NXPE2: variants seen among roughly 807,000 people sequenced by gnomAD.
NXPE2 encodes neurexophilin and PC-esterase domain family member 2, also known as NXPE family member 2.
Under a neutral mutation model 34.4 loss-of-function variants are expected in NXPE2, and 34 were observed. The ratio of observed to expected loss-of-function variants is 0.99; its 90% CI spans 0.75 to 1.31. The LOEUF is 1.31. Among genes scored for constraint, NXPE2 ranks in the 40% most tolerant of loss-of-function variants. The pLI is 0.00. For synonymous variants in NXPE2, 235 were observed against 231.3 expected, an observed-to-expected ratio of 1.02 and a Z score of -0.15; for missense variants, 649 against 672.5, an observed-to-expected ratio of 0.97 and a Z score of 0.39.
chr11:114,599,963 A>C, the NXPE2 span, among the ~76,000 whole-genome samples: 1 of 152,154 alleles, frequency 6.6e-6, no homozygotes, highest in Non-Finnish European at 1.5e-5. Context: ...CAAGTAAATA[A>C]TAGCATAAAT....
the NXPE2 span, among the ~76,000 whole-genome samples, chr11:114,790,634 G>A: frequency 6.6e-6 from 1 of 152,136 alleles, no homozygotes; most frequent in Non-Finnish European, 1.5e-5. Flanking sequence ...GGCCAGAAGT[G>A]CACCCAGGAG....
At chr11:114,785,974 T>A in the NXPE2 span, among the ~76,000 whole-genome samples, 1 of 152,086 alleles carries the variant, frequency 6.6e-6, no homozygotes, top group African/African-American at 2.4e-5. Context: ...TATTAGATAG[T>A]GTAAAAAAAA....
chr11:114,511,676 A>T, the NXPE2 span, among the ~76,000 whole-genome samples: 1 of 152,146 alleles, frequency 6.6e-6, no homozygotes, highest in African/African-American at 2.4e-5. Flanking sequence ...GTGATCCCCA[A>T]TGTTGGAGGT....
At chr11:114,759,571 T>C in the NXPE2 span, among the ~76,000 whole-genome samples, 8,107 of 152,316 alleles carry the variant, frequency 0.053, 304 homozygotes, top group Middle Eastern at 0.1. Context: ...AGATTGTATG[T>C]ATCTTAAACT....
chr11:114,703,921 T>A (rs1055047855), intron 3 of NXPE2, 70 bp from the exon 4 acceptor site: 148 of 1,112,334 alleles, frequency 1.3e-4, no homozygotes, highest in Non-Finnish European at 1.8e-4. Flanking sequence ...GTTTAATCCA[T>A]CTAAACCAGT....
chr11:114,638,826 T>C, the NXPE2 span, among the ~76,000 whole-genome samples: 2 of 151,914 alleles, frequency 1.3e-5, no homozygotes, highest in Non-Finnish European at 2.9e-5. Context: ...CCTCTGGAAG[T>C]TTTGTCTCAG....
the NXPE2 span, among the ~76,000 whole-genome samples, chr11:114,520,761 C>T: frequency 6.6e-6 from 1 of 151,936 alleles, no homozygotes; most frequent in Non-Finnish European, 1.5e-5. Context: ...AAAATATTAC[C>T]ATCTCCTCAT....
At chr11:114,645,996 T>C in the NXPE2 span, among the ~76,000 whole-genome samples, 1 of 152,142 alleles carries the variant, frequency 6.6e-6, no homozygotes, top group African/African-American at 2.4e-5. Flanking sequence ...TTTATATCTA[T>C]TGGTTAGTAC....
the NXPE2 span, among the ~76,000 whole-genome samples, chr11:114,736,586 C>A: frequency 7.2e-5 from 11 of 152,294 alleles, no homozygotes; most frequent in South Asian, 4.1e-4. Context: ...TTCAAACACG[C>A]ATGCTCTACA....
At chr11:114,731,623 A>G in the NXPE2 span, among the ~76,000 whole-genome samples, 1 of 152,224 alleles carries the variant, frequency 6.6e-6, no homozygotes, top group African/African-American at 2.4e-5. Context: ...GCCTCTCTTA[A>G]AAGTTTACAT....
At chr11:114,699,856 C>G (rs557897136) in intron 3 of NXPE2, among the ~76,000 whole-genome samples, 1 of 150,446 alleles carries the variant, frequency 6.6e-6, no homozygotes, top group Non-Finnish European at 1.5e-5. Context: ...TGCAGTGGTG[C>G]GATCTCGGCT....
the NXPE2 span, among the ~76,000 whole-genome samples, chr11:114,628,910 T>C: frequency 2.2e-4 from 33 of 151,922 alleles, 1 homozygote. Context: ...GCAAATAAAC[T>C]AGAGAATCTA....
chr11:114,570,915 T>C, the NXPE2 span: 1 of 1,514,774 alleles, frequency 6.6e-7, no homozygotes, highest in Non-Finnish European at 8.9e-7. Context: ...CTTAAGTGAA[T>C]GAATTTCAGA....
chr11:114,762,531 T>C, the NXPE2 span, among the ~76,000 whole-genome samples: 5 of 152,328 alleles, frequency 3.3e-5, no homozygotes, highest in Non-Finnish European at 7.3e-5. Flanking sequence ...ATCTGCTGTT[T>C]AGAGTTCTCC....
At chr11:114,786,450 T>C in the NXPE2 span, among the ~76,000 whole-genome samples, 2 of 148,690 alleles carry the variant, frequency 1.3e-5, no homozygotes, top group African/African-American at 2.5e-5. Context: ...TGAGTTTCAC[T>C]CACTGACCGG....
downstream of NXPE2, among the ~76,000 whole-genome samples, chr11:114,708,445 C>G (rs2135578253): frequency 6.6e-6 from 1 of 152,100 alleles, no homozygotes; most frequent in South Asian, 2.1e-4. Flanking sequence ...CTCTAGGTCT[C>G]AAGAGTAGGA....
the NXPE2 span, among the ~76,000 whole-genome samples, chr11:114,736,646 C>A: frequency 6.6e-6 from 1 of 151,810 alleles, no homozygotes; most frequent in African/African-American, 2.4e-5. Context: ...GACATACATC[C>A]TCCTCAGCTT....
At chr11:114,631,372 A>G in the NXPE2 span, among the ~76,000 whole-genome samples, 1 of 151,806 alleles carries the variant, frequency 6.6e-6, no homozygotes, top group Non-Finnish European at 1.5e-5. Context: ...TGTCCTTTGT[A>G]GGGACATGGA....
chr11:114,805,126 G>C, the NXPE2 span, among the ~76,000 whole-genome samples: 3,609 of 151,882 alleles, frequency 0.024, 72 homozygotes, highest in Non-Finnish European at 0.037. Flanking sequence ...CTTTCTCAGT[G>C]ATTCCCAGGA....
Sources: gnomAD v4.1 joint callset for allele counts (sites outside exome capture counted in the v4.1 genomes callset) on GRCh38, gnomAD v4.1.1 for gene constraint, MANE v1.5 for transcripts, NCBI Gene and HGNC (gene_info 2026-07-23, HGNC 2026-07-21) for gene names.